RIMS1: variants seen among roughly 807,000 people sequenced by gnomAD.
The protein encoded by RIMS1 is regulating synaptic membrane exocytosis 1, also known as regulating synaptic membrane exocytosis protein 1.
In RIMS1, 83 loss-of-function variants were observed where a neutral mutation model predicts 214.1. The ratio of observed to expected loss-of-function variants is 0.39; its 90% confidence interval spans 0.32 to 0.47. RIMS1 has a LOEUF of 0.47. Ranked by LOEUF, RIMS1 falls within the 20% of genes least tolerant of loss-of-function variation. The pLI, the probability that RIMS1 is intolerant of heterozygous loss-of-function variation, is 0.99. For synonymous variants in RIMS1, 793 were observed against 786.8 expected, an observed-to-expected ratio of 1.01 and a Z score of -0.13; for missense variants, 2,050 against 2,161.8, an observed-to-expected ratio of 0.95 and a Z score of 1.03.
At chr6:72,019,339 C>A (rs2151927618) in intron 2 of RIMS1, among the ~76,000 whole-genome samples, 1 of 152,228 alleles carries the variant, frequency 6.6e-6, no homozygotes, top group Non-Finnish European at 1.5e-5. Flanking sequence ...CCTTGGTCAG[C>A]AAATGAGGTC....
In RIMS1 at chr6:72,260,872, A is replaced by G. The variant is rs2077675379; in HGVS notation, c.3116+105A>G. The G allele has an allele frequency of 5.2e-6, 8 of 1,540,408 alleles. No individual in the cohort carries two copies. In the South Asian group the frequency reaches 9.6e-5, roughly 18 times the overall value. On this transcript the variant is annotated intron_variant, in intron 19 of 33. Transcript: ENST00000521978. ...TGGTATTATTACAAGCAAGTCAAAT[A>G]AATTTCCCAAGTATTTGAAATTTGT...
chr6:72,314,235 C>T (rs1230621111), intron 28 of RIMS1, among the ~76,000 whole-genome samples: 1 of 152,152 alleles, frequency 6.6e-6, no homozygotes. Context: ...CATCCAAGTG[C>T]TATCTAAACT....
chr6:72,024,166 C>T (rs947134123), intron 2 of RIMS1, among the ~76,000 whole-genome samples: 9 of 152,144 alleles, frequency 5.9e-5, no homozygotes, highest in Admixed American at 6.5e-5. Flanking sequence ...CTACATCTCT[C>T]TTTCTGCCTA....
At chr6:72,353,338 T>C (rs1305236603) in intron 29 of RIMS1, among the ~76,000 whole-genome samples, 2 of 152,160 alleles carry the variant, frequency 1.3e-5, no homozygotes, top group Non-Finnish European at 2.9e-5. Flanking sequence ...CTTTCTTATG[T>C]TACTGTAAAA....
chr6:72,076,105 C>T (rs1011622439), intron 2 of RIMS1, among the ~76,000 whole-genome samples: 5 of 152,140 alleles, frequency 3.3e-5, no homozygotes, highest in Non-Finnish European at 5.9e-5. Flanking sequence ...ATCATTATGA[C>T]TTGAGAGGAT....
intron 1 of RIMS1, among the ~76,000 whole-genome samples, chr6:71,964,408 G>A (rs1793866592): frequency 1.3e-5 from 2 of 152,148 alleles, no homozygotes; most frequent in Non-Finnish European, 2.9e-5. Flanking sequence ...TAGACTCCAG[G>A]AGGAGAACAA....
intron 5 of RIMS1, among the ~76,000 whole-genome samples, chr6:72,180,789 C>G (rs551101606): frequency 6.6e-6 from 1 of 152,258 alleles, no homozygotes; most frequent in East Asian, 1.9e-4. Flanking sequence ...AGAAAGGAGG[C>G]TCCAAGGAAA....
At chr6:72,155,501 G>A (rs780497913) in intron 4 of RIMS1, among the ~76,000 whole-genome samples, 1 of 140,354 alleles carries the variant, frequency 7.1e-6, no homozygotes, top group Admixed American at 7.3e-5. Context: ...CCATTTTCAC[G>A]CTTCTGATAA....
intron 28 of RIMS1, among the ~76,000 whole-genome samples, chr6:72,324,253 G>T (rs2096340097): frequency 6.6e-6 from 1 of 151,964 alleles, no homozygotes; most frequent in Non-Finnish European, 1.5e-5. Flanking sequence ...AACATATGTA[G>T]ACGTGAAAAA....
At chr6:72,346,155 A>G (rs752051841) in intron 29 of RIMS1, among the ~76,000 whole-genome samples, 14 of 151,798 alleles carry the variant, frequency 9.2e-5, no homozygotes, top group Non-Finnish European at 1.3e-4. Context: ...AATGTTTTAA[A>G]CAATTTAGCA....
chr6:71,910,751 A>G (rs538412162), intron 1 of RIMS1, among the ~76,000 whole-genome samples: 1 of 152,278 alleles, frequency 6.6e-6, no homozygotes, highest in South Asian at 2.1e-4. Context: ...GGTAATTTCT[A>G]AGTGAGTTTG....
chr6:72,264,394 A>C (rs542427689), intron 19 of RIMS1, among the ~76,000 whole-genome samples: 1 of 152,214 alleles, frequency 6.6e-6, no homozygotes. Context: ...TCCAAAGGAA[A>C]ATTTCCTGTG....
rs564093344 is a variant in RIMS1 at position 72,246,680 on chromosome 6, C to T, written c.2128+819C>T. 2.1e-4 allele frequency among the ~76,000 whole-genome samples: 32 copies of T among 151,974 alleles called. 1 individual carries two copies. In the South Asian group the frequency reaches 6.6e-3, roughly 32 times the overall value. On this transcript the variant is annotated intron_variant, in intron 11 of 33. Coordinates refer to ENST00000521978, the MANE Select transcript of RIMS1 (RefSeq NM_014989.7). ...CTAGGTTATCATATAAAATGCATACCATCATGTTCTGCTAGAGGTGGACCC... is the reference window on the plus strand; with the variant it reads ...CTAGGTTATCATATAAAATGCATACTATCATGTTCTGCTAGAGGTGGACCC...
At chr6:72,357,722 A>G (rs1031652053) in intron 29 of RIMS1, among the ~76,000 whole-genome samples, 1 of 152,158 alleles carries the variant, frequency 6.6e-6, no homozygotes, top group African/African-American at 2.4e-5. Flanking sequence ...TGATTTTTAC[A>G]TACATATGAT....
At chr6:72,323,063 G>T (rs971915403) in intron 28 of RIMS1, among the ~76,000 whole-genome samples, 1 of 151,974 alleles carries the variant, frequency 6.6e-6, no homozygotes, top group Non-Finnish European at 1.5e-5. Flanking sequence ...AAACACTTTT[G>T]ATTTCTTTTA....
intron 2 of RIMS1, among the ~76,000 whole-genome samples, chr6:72,009,537 C>T (rs1400483663): frequency 6.6e-6 from 1 of 150,748 alleles, no homozygotes; most frequent in Non-Finnish European, 1.5e-5. Context: ...AATCCAGGAG[C>T]TGGTTTTTTG....
At chr6:72,358,416 A>G (rs972335498) in intron 29 of RIMS1, among the ~76,000 whole-genome samples, 2 of 152,010 alleles carry the variant, frequency 1.3e-5, no homozygotes, top group African/African-American at 4.8e-5. Flanking sequence ...TCTCATTTGT[A>G]TGAGAACTGG....
intron 2 of RIMS1, among the ~76,000 whole-genome samples, chr6:72,010,964 A>G (rs1276920945): frequency 6.6e-6 from 1 of 152,182 alleles, no homozygotes; most frequent in African/African-American, 2.4e-5. Context: ...TCTTCACAGA[A>G]TTGGAAAAAA....
intron 4 of RIMS1, among the ~76,000 whole-genome samples, chr6:72,142,433 A>G (rs1430772680): frequency 6.6e-6 from 1 of 152,086 alleles, no homozygotes; most frequent in African/African-American, 2.4e-5. Flanking sequence ...AACAGGTTAG[A>G]TGGTAAATTC....
Sources: gnomAD v4.1 joint callset for allele counts (sites outside exome capture counted in the v4.1 genomes callset) on GRCh38, gnomAD v4.1.1 for gene constraint, MANE v1.5 for transcripts, NCBI Gene and HGNC (gene_info 2026-07-23, HGNC 2026-07-21) for gene names.